The following C2orf42 variants were observed in gnomAD, a reference collection of about 807,000 sequenced individuals.
The protein encoded by C2orf42 is chromosome 2 open reading frame 42, also known as uncharacterized protein C2orf42.
Under a neutral mutation model 58.9 loss-of-function variants are expected in C2orf42, and 44 were observed. The ratio of observed to expected loss-of-function variants is 0.75; its 90% CI spans 0.59 to 0.96. The LOEUF is 0.96. C2orf42 is among the 40% of genes least tolerant of loss of function. The pLI is 0.00. For missense variants in C2orf42, 630 were observed against 699.2 expected (o/e 0.90, Z 1.12); for synonymous variants, 239 against 265.4 (o/e 0.90, Z 0.97).
chr2:70,187,378 G>A (rs952788361), intron 1 of C2orf42, among the ~76,000 whole-genome samples: 7 of 150,624 alleles, frequency 4.6e-5, no homozygotes, highest in African/African-American at 1.2e-4. Context: ...AGCCTCCTGA[G>A]TAGCGGGGAT....
chr2:70,189,843 T>G (rs879739509), intron 1 of C2orf42, among the ~76,000 whole-genome samples: 117 of 147,688 alleles, frequency 7.9e-4, no homozygotes, highest in Non-Finnish European at 1.6e-3. Context: ...CTGGGCAACA[T>G]AGTGAGACCC....
intron 8 of C2orf42, among the ~76,000 whole-genome samples, chr2:70,163,786 G>T (rs531467419): frequency 6.6e-6 from 1 of 152,128 alleles, no homozygotes; most frequent in South Asian, 2.1e-4. Flanking sequence ...GGAGGTGGAG[G>T]TTACAGTGAG....
intron 6 of C2orf42, among the ~76,000 whole-genome samples, chr2:70,166,862 C>T (rs1353981445): frequency 6.6e-6 from 1 of 152,090 alleles, no homozygotes; most frequent in East Asian, 1.9e-4. Flanking sequence ...CACTTGATTC[C>T]CTTTTGCTCG....
chr2:70,160,198 G>T (rs1233086406), intron 9 of C2orf42, among the ~76,000 whole-genome samples: 1 of 150,556 alleles, frequency 6.6e-6, no homozygotes. Flanking sequence ...GGAGTGCAGT[G>T]GTGAGATCTC....
At chr2:70,190,074 T>C (rs902648883) in intron 1 of C2orf42, 9 of 152,344 alleles carry the variant, frequency 5.9e-5, no homozygotes, top group East Asian at 1.9e-4. Flanking sequence ...ATCTCACTGT[T>C]TGGCAGTATT....
At chr2:70,168,912 G>A (rs1266516149) in intron 6 of C2orf42, among the ~76,000 whole-genome samples, 1 of 151,598 alleles carries the variant, frequency 6.6e-6, no homozygotes, top group Non-Finnish European at 1.5e-5. Context: ...ATAGGGTTTC[G>A]CCATGTTGGC....
chr2:70,167,248 C>A (rs369093446), intron 6 of C2orf42, among the ~76,000 whole-genome samples: 1 of 151,792 alleles, frequency 6.6e-6, no homozygotes, highest in Admixed American at 6.6e-5. Context: ...GTCCCAGCTA[C>A]TTGGGAGGCT....
chr2:70,170,895 C>G (rs1673764735), intron 5 of C2orf42, among the ~76,000 whole-genome samples: 1 of 152,014 alleles, frequency 6.6e-6, no homozygotes, highest in African/African-American at 2.4e-5. Flanking sequence ...GCGGGTGGAT[C>G]ATGAGGTCAG....
chr2:70,177,806 C>G (rs1674290025), intron 4 of C2orf42, among the ~76,000 whole-genome samples: 1 of 152,156 alleles, frequency 6.6e-6, no homozygotes, highest in Non-Finnish European at 1.5e-5. Context: ...GAGGCTGAGA[C>G]AGGAGGATCA....
rs142700767 is a variant in C2orf42 at position 70,187,132 on chromosome 2, A to C, written c.-282+3841T>G. 1.5e-3 allele frequency among the ~76,000 whole-genome samples: 228 copies of C among 152,266 alleles called. 5 individuals are homozygous for C. The East Asian group carries it at 0.027, about 18-fold the overall frequency. ...AATTAAAAAACAAAACAAAACAAAAAAAAAACCTTTCTGTCATTAAGGGAG... is the reference window on the plus strand; with the variant it reads ...AATTAAAAAACAAAACAAAACAAAACAAAAACCTTTCTGTCATTAAGGGAG... On this transcript the variant is annotated intron_variant, in intron 1 of 9. Transcript: ENST00000264434.
Position 70,150,430 on chromosome 2 carries a change from C to T in C2orf42, c.1651G>A (p.Glu551Lys). 6.2e-7 allele frequency: 1 copy of T among 1,614,146 alleles called. No homozygotes were observed. ...YGHHRNGHVA[E>K]YQDQRPPLDQ... Reference sequence around the variant, plus strand: ...AAGGGGGGCCGCTGGTCTTGGTACTCCGCCACATGCCCATTCCGGTGGTGG... The same window carrying T: ...AAGGGGGGCCGCTGGTCTTGGTACTTCGCCACATGCCCATTCCGGTGGTGG... The change falls in exon 10 of 10, where the codon GAG becomes AAG. Residue 551 changes from glutamate to lysine, a missense_variant. Transcript: ENST00000264434.
chr2:70,176,320 T>C (rs1330689929), intron 4 of C2orf42, among the ~76,000 whole-genome samples: 1 of 152,048 alleles, frequency 6.6e-6, no homozygotes, highest in Non-Finnish European at 1.5e-5. Flanking sequence ...CTGGCTAACA[T>C]GGTGAAACCC....
chr2:70,189,672 C>T (rs1249587703), intron 1 of C2orf42, among the ~76,000 whole-genome samples: 4 of 146,544 alleles, frequency 2.7e-5, no homozygotes, highest in African/African-American at 1.0e-4. Flanking sequence ...GAGCCGAGAT[C>T]GTGCCACTGC....
At chr2:70,178,259 C>A (rs1376519853) in intron 4 of C2orf42, among the ~76,000 whole-genome samples, 1 of 152,128 alleles carries the variant, frequency 6.6e-6, no homozygotes. Context: ...TCACCATTTT[C>A]ATATTGATTT....
At chr2:70,151,162 T>C (rs1303531443) in intron 9 of C2orf42, among the ~76,000 whole-genome samples, 2 of 152,100 alleles carry the variant, frequency 1.3e-5, no homozygotes, top group Non-Finnish European at 2.9e-5. Context: ...GACCAGCCTA[T>C]GCAACAAAGT....
intron 5 of C2orf42, among the ~76,000 whole-genome samples, chr2:70,173,267 CTTTTTT>C (rs202063318): frequency 2.1e-5 from 2 of 95,754 alleles, no homozygotes; most frequent in African/African-American, 4.7e-5. Context: ...TGCGTAAGTT[CTTTTTT>C]TTTTTTTTTT....
intron 6 of C2orf42, 145 bp from the exon 7 acceptor site, chr2:70,165,780 C>T (rs1673358750): frequency 3.4e-6 from 2 of 591,464 alleles, no homozygotes; most frequent in Admixed American, 6.0e-5. Context: ...AAAAAGAAGG[C>T]TTTGATTGAC....
intron 6 of C2orf42, among the ~76,000 whole-genome samples, chr2:70,166,281 G>A (rs1463788626): frequency 1.3e-5 from 2 of 151,204 alleles, no homozygotes; most frequent in Non-Finnish European, 2.9e-5. Flanking sequence ...CTGAGTCGAG[G>A]AGGTTGAGGC....
At chr2:70,158,228 A>G (rs1458837298) in intron 9 of C2orf42, among the ~76,000 whole-genome samples, 1 of 151,782 alleles carries the variant, frequency 6.6e-6, no homozygotes, top group Non-Finnish European at 1.5e-5. Context: ...GAAATTAAAG[A>G]TACATCTTCT....
Sources: gnomAD v4.1 joint callset for allele counts (sites outside exome capture counted in the v4.1 genomes callset) on GRCh38, gnomAD v4.1.1 for gene constraint, MANE v1.5 for transcripts, NCBI Gene and HGNC (gene_info 2026-07-23, HGNC 2026-07-21) for gene names.